TESPA1: variants seen among roughly 807,000 people sequenced by gnomAD.
TESPA1 encodes protein TESPA1.
TESPA1 carries 33 observed loss-of-function variants against 57.9 expected under a neutral mutation model. That is an observed-to-expected ratio of 0.57 (90% confidence interval 0.43 to 0.76). TESPA1 has a LOEUF of 0.76. Among genes scored for constraint, TESPA1 ranks in the 30% least tolerant of loss-of-function variants. The probability of loss-of-function intolerance (pLI) is 0.00; values close to 1 mark genes in which losing one functional copy is unlikely to be tolerated. For missense variants in TESPA1, 618 were observed against 632.9 expected, an observed-to-expected ratio of 0.98 and a Z score of 0.25; for synonymous variants, 227 against 228.9, an observed-to-expected ratio of 0.99 and a Z score of 0.07.
chr12:54,967,039 A>G (rs1367916846), intron 5 of TESPA1, 144 bp downstream of exon 5: 1 of 844,090 alleles, frequency 1.2e-6, no homozygotes, highest in Non-Finnish European at 1.9e-6. Context: ...TACATTAGAT[A>G]ATAATGAGAC....
intron 10 of TESPA1, among the ~76,000 whole-genome samples, chr12:54,952,140 G>A (rs890305313): frequency 3.9e-5 from 6 of 152,208 alleles, no homozygotes; most frequent in African/African-American, 1.4e-4. Flanking sequence ...TATATAAGAA[G>A]AGGAAGGGAG....
At chr12:54,970,351 C>T (rs1036006949) in intron 3 of TESPA1, among the ~76,000 whole-genome samples, 1 of 152,178 alleles carries the variant, frequency 6.6e-6, no homozygotes, top group Non-Finnish European at 1.5e-5. Context: ...ATACAATTTA[C>T]ATTTAAAATG....
chr12:54,982,691 A>G (rs1330974969), intron 1 of TESPA1, among the ~76,000 whole-genome samples: 2 of 152,264 alleles, frequency 1.3e-5, no homozygotes, highest in Non-Finnish European at 2.9e-5. Flanking sequence ...GCTGATTTAT[A>G]GATGGCTTCA....
chr12:54,972,784 G>C (rs74092426), intron 3 of TESPA1, among the ~76,000 whole-genome samples: 1,838 of 152,246 alleles, frequency 0.012, 43 homozygotes, highest in African/African-American at 0.042. Context: ...TAGATTAAAG[G>C]CTATATAAAA....
chr12:54,975,223 C>T (rs116039019), intron 1 of TESPA1, among the ~76,000 whole-genome samples: 1 of 151,786 alleles, frequency 6.6e-6, no homozygotes, highest in Non-Finnish European at 1.5e-5. Flanking sequence ...AAAAAAATAC[C>T]CTGTGATTAA....
chr12:54,975,801 T>C lies in TESPA1; in HGVS notation c.-45-1194A>G, dbSNP rs552872097. Among the ~76,000 whole-genome samples, 14 of 152,332 alleles carry C rather than the reference T, an allele frequency of 9.2e-5. No homozygotes were observed. The South Asian group carries it at 1.0e-3, about 11-fold the overall frequency. On this transcript the variant is annotated intron_variant, in intron 1 of 10. Coordinates refer to ENST00000449076, the MANE Select transcript of TESPA1 (RefSeq NM_001136030.3). Reference sequence around the variant, plus strand: ...GCATCCAACAAAATAGGCATTAAAATAGCTTTTTTGAAAAGAACATCCTGA... The same window carrying C: ...GCATCCAACAAAATAGGCATTAAAACAGCTTTTTTGAAAAGAACATCCTGA...
chr12:54,967,294 C>T lies in TESPA1; in HGVS notation c.257-58G>A. The T allele has an allele frequency of 1.3e-5, 21 of 1,571,546 alleles. No individual in the cohort carries two copies. In the Admixed American group the frequency reaches 3.7e-4, roughly 28 times the overall value. On this transcript the variant is annotated intron_variant, in intron 4 of 10. Transcript: ENST00000449076. ...CCAGGATGGAACATATACACATGCA[C>T]ATGCACACCCCTGCATACACGAACA...
rs769865968 is a variant in TESPA1, at chr12:54,962,800, C to T, written c.1098G>A (p.Glu366=). The T allele has an allele frequency of 8.5e-5, 137 of 1,613,782 alleles. No homozygotes were observed. In the South Asian group the frequency reaches 1.3e-3, roughly 15 times the overall value. The change falls in exon 9 of 11, where the codon GAG becomes GAA. Residue 366 remains glutamate (E), a synonymous_variant. Coordinates refer to ENST00000449076, the MANE Select transcript of TESPA1 (RefSeq NM_001136030.3). The part of the protein sequence containing the change: ...SPYPCVFCCE[E]ETQQRMSTVL... ...CTGTGGACATCCTCTGCTGTGTTTCCTCTTCACAGCAGAAGACACATGGAT... is the reference window on the plus strand; with the variant it reads ...CTGTGGACATCCTCTGCTGTGTTTCTTCTTCACAGCAGAAGACACATGGAT...
intron 3 of TESPA1, among the ~76,000 whole-genome samples, chr12:54,970,223 C>T (rs549281078): frequency 6.6e-6 from 1 of 152,170 alleles, no homozygotes; most frequent in Non-Finnish European, 1.5e-5. Flanking sequence ...CAGGCATGAG[C>T]CATGTGCCTA....
rs1394822949 is a variant in TESPA1, at chr12:54,966,048, C to T, written c.446+5G>A. The stretch of plus-strand genomic sequence containing the variant: ...CCTTCCACCCTGCCAAACTTCAGTA[C>T]CTACCTTGAACTAGTCTTGTTGGTC... On this transcript the variant is annotated splice_donor_5th_base_variant and intron_variant, in intron 7 of 10. Transcript: ENST00000449076. 1.3e-6 allele frequency: 2 copies of T among 1,565,858 alleles called. No individual in the cohort carries two copies. Among genetic ancestry groups the T allele is most frequent in the Non-Finnish European group, 1.7e-6 (2 of 1,154,132 alleles).
chr12:54,976,766 C>G (rs2136201632), intron 1 of TESPA1, among the ~76,000 whole-genome samples: 1 of 152,306 alleles, frequency 6.6e-6, no homozygotes, highest in South Asian at 2.1e-4. Context: ...CAGAATCTCA[C>G]TAACTGAAAT....
At chr12:54,976,282 A>G (rs1415758641) in intron 1 of TESPA1, among the ~76,000 whole-genome samples, 7 of 152,206 alleles carry the variant, frequency 4.6e-5, no homozygotes, top group Admixed American at 4.6e-4. Flanking sequence ...TTAGGACAAG[A>G]ATCTAAAAAG....
At chr12:54,969,529 A>G (rs1273060917) in intron 3 of TESPA1, among the ~76,000 whole-genome samples, 1 of 152,164 alleles carries the variant, frequency 6.6e-6, no homozygotes, top group Non-Finnish European at 1.5e-5. Flanking sequence ...AGGTTCCCCC[A>G]AGTAAATACT....
intron 7 of TESPA1, among the ~76,000 whole-genome samples, 180 bp from the exon 8 acceptor site, chr12:54,964,130 C>T (rs1951269594): frequency 1.3e-5 from 2 of 152,214 alleles, no homozygotes; most frequent in Non-Finnish European, 1.5e-5. Context: ...CTGTTGGAAA[C>T]ATGGAAACTA....
At chr12:54,982,944 C>T (rs1330352221) in intron 1 of TESPA1, among the ~76,000 whole-genome samples, 2 of 152,194 alleles carry the variant, frequency 1.3e-5, no homozygotes, top group Admixed American at 6.5e-5. Flanking sequence ...TGCATCAGGC[C>T]TGGGTGTTGT....
At chr12:54,971,866 C>T (rs1951852294) in intron 3 of TESPA1, among the ~76,000 whole-genome samples, 1 of 151,790 alleles carries the variant, frequency 6.6e-6, no homozygotes, top group Non-Finnish European at 1.5e-5. Flanking sequence ...GATAAATAAA[C>T]AGATGTAGAT....
At chr12:54,955,315 T>C (rs1294274054) in intron 10 of TESPA1, among the ~76,000 whole-genome samples, 1 of 152,172 alleles carries the variant, frequency 6.6e-6, no homozygotes, top group African/African-American at 2.4e-5. Context: ...ATTAAAAAAA[T>C]GGACAAAGGT....
At position 54,973,510 on chromosome 12, in the gene TESPA1, AT is replaced by A; in HGVS notation, c.172del (p.Ile58SerfsTer41). ...CTGCAGCCAGTCTTCAATTTTATTG[AT>A]TGGATTCCCTAGAAAAGTCAGACAC... The part of the protein sequence containing the change: ...LDDVFQEGNP[I>X]NKIEDWLQDC... On this transcript the variant is annotated frameshift_variant, in exon 3 of 11. Coordinates refer to ENST00000449076, the MANE Select transcript of TESPA1 (RefSeq NM_001136030.3). LOFTEE classifies it high-confidence loss of function. 6.2e-7 allele frequency: 1 copy of A among 1,614,014 alleles called. No individual in the cohort carries two copies. Among genetic ancestry groups the A allele is most frequent in the Non-Finnish European group, 8.5e-7 (1 of 1,179,888 alleles).
At chr12:54,957,782 T>C (rs1441179501) in intron 10 of TESPA1, among the ~76,000 whole-genome samples, 1 of 152,230 alleles carries the variant, frequency 6.6e-6, no homozygotes, top group East Asian at 1.9e-4. Context: ...TATAAAGTTA[T>C]GCTATTTCAT....
Sources: allele counts gnomAD v4.1 joint callset (sites outside exome capture counted in the v4.1 genomes callset), GRCh38; gene constraint gnomAD v4.1.1; transcripts MANE v1.5; gene names NCBI Gene and HGNC (gene_info 2026-07-23, HGNC 2026-07-21).